Variants in MYCT1 observed in about 807,000 individuals in gnomAD.
The protein encoded by MYCT1 is myc target protein 1.
Under a neutral mutation model 15.0 loss-of-function variants are expected in MYCT1, and 12 were observed. That is an observed-to-expected ratio of 0.80 (90% CI 0.51 to 1.29). The LOEUF is 1.29. Ranked by LOEUF, MYCT1 falls within the 50% of genes most tolerant of loss-of-function variation. The pLI is 0.00. For missense variants in MYCT1, 287 were observed against 279.1 expected, an observed-to-expected ratio of 1.03 and a Z score of -0.20; for synonymous variants, 104 against 102.7, an observed-to-expected ratio of 1.01 and a Z score of -0.07.
chr6:152,735,191 C>T, the MYCT1 span, among the ~76,000 whole-genome samples: 2 of 152,038 alleles, frequency 1.3e-5, no homozygotes, highest in African/African-American at 4.8e-5. Flanking sequence ...AGAGGAGGCT[C>T]AAATGCTAAA....
chr6:152,733,346 G>A, the MYCT1 span, among the ~76,000 whole-genome samples: 1 of 151,826 alleles, frequency 6.6e-6, no homozygotes, highest in African/African-American at 2.4e-5. Flanking sequence ...CAAGCAATCT[G>A]CCTGCCTTGG....
At chr6:152,732,424 G>A in the MYCT1 span, among the ~76,000 whole-genome samples, 2 of 147,856 alleles carry the variant, frequency 1.4e-5, no homozygotes, top group Admixed American at 6.9e-5. Context: ...ATTAATTAAT[G>A]TTTGGGAGAA....
At chr6:152,739,099 C>G in the MYCT1 span, among the ~76,000 whole-genome samples, 3 of 151,784 alleles carry the variant, frequency 2.0e-5, no homozygotes, top group Middle Eastern at 3.4e-3. Flanking sequence ...ACAAAGGATA[C>G]TTTTAAAAAA....
the MYCT1 span, among the ~76,000 whole-genome samples, chr6:152,737,837 G>A: frequency 6.6e-6 from 1 of 152,080 alleles, no homozygotes; most frequent in African/African-American, 2.4e-5. Context: ...TTTAGTCAAT[G>A]ACTGTTGAAG....
chr6:152,725,687 C>G (rs1048746060), downstream of MYCT1, among the ~76,000 whole-genome samples: 2 of 152,176 alleles, frequency 1.3e-5, no homozygotes, highest in African/African-American at 4.8e-5. Flanking sequence ...GGTAAACTGG[C>G]ATTGCCCTTT....
the MYCT1 span, among the ~76,000 whole-genome samples, chr6:152,735,519 G>A: frequency 3.9e-5 from 6 of 151,972 alleles, no homozygotes; most frequent in Middle Eastern, 3.2e-3. Flanking sequence ...TAAACATTTA[G>A]CTATATCCAT....
chr6:152,736,087 C>T, the MYCT1 span, among the ~76,000 whole-genome samples: 56 of 152,106 alleles, frequency 3.7e-4, no homozygotes, highest in Middle Eastern at 0.01. Context: ...AGTCTTACAT[C>T]GTTAAAACCA....
intron 1 of MYCT1, among the ~76,000 whole-genome samples, chr6:152,699,024 A>G (rs555787863): frequency 6.6e-6 from 1 of 152,338 alleles, no homozygotes; most frequent in South Asian, 2.1e-4. Context: ...CACTTTAATG[A>G]AGAAAATAGT....
chr6:152,722,700 G>C lies in MYCT1; in HGVS notation c.*447G>C, dbSNP rs2099724930. On this transcript the variant is annotated 3_prime_UTR_variant, in exon 2 of 2. Coordinates refer to ENST00000367245, the MANE Select transcript of MYCT1 (RefSeq NM_025107.3). ...ATTTGGATTTTACTTTCTTTAGAAT[G>C]ACAAGTGAATCATATTGACATTTTA... The C allele has an allele frequency of 3.0e-6, 1 of 329,514 alleles. No individual in the cohort carries two copies. Among genetic ancestry groups the C allele is most frequent in the African/African-American group, 2.2e-5 (1 of 45,642 alleles). 20.4% of individuals were successfully genotyped at this position (329,514 alleles called of 1,614,324 possible). A position where few individuals can be genotyped will look rare whatever the true frequency, so the allele number is the denominator to read the frequency against.
At chr6:152,721,421 A>C (rs1341045474) in intron 1 of MYCT1, among the ~76,000 whole-genome samples, 1 of 152,184 alleles carries the variant, frequency 6.6e-6, no homozygotes, top group African/African-American at 2.4e-5. Flanking sequence ...CTCTGTAAAA[A>C]ATGGATGAAC....
At chr6:152,729,443 C>T (rs1281890392), downstream of MYCT1, among the ~76,000 whole-genome samples, 1 of 152,116 alleles carries the variant, frequency 6.6e-6, no homozygotes, top group Admixed American at 6.5e-5. Flanking sequence ...ACACCTAAGT[C>T]TGTATACATA....
At chr6:152,725,636 T>C (rs996390420), downstream of MYCT1, among the ~76,000 whole-genome samples, 1 of 152,228 alleles carries the variant, frequency 6.6e-6, no homozygotes, top group African/African-American at 2.4e-5. Flanking sequence ...TGCTGGCAAA[T>C]GTACTAAGAA....
chr6:152,705,538 G>C (rs1485969621), intron 1 of MYCT1, among the ~76,000 whole-genome samples: 1 of 151,654 alleles, frequency 6.6e-6, no homozygotes, highest in African/African-American at 2.4e-5. Context: ...GAAAATGACA[G>C]GATTTTTTTT....
downstream of MYCT1, among the ~76,000 whole-genome samples, chr6:152,729,019 C>T (rs2129071735): frequency 6.6e-6 from 1 of 152,216 alleles, no homozygotes; most frequent in East Asian, 1.9e-4. Context: ...ATGTGCTTTC[C>T]AGCTTAGGGA....
intron 1 of MYCT1, among the ~76,000 whole-genome samples, chr6:152,707,977 T>C (rs989903854): frequency 1.3e-5 from 2 of 152,058 alleles, no homozygotes; most frequent in Admixed American, 1.3e-4. Context: ...ATTGTCATCA[T>C]ATACAACTTA....
chr6:152,703,313 C>G (rs1043393213), intron 1 of MYCT1, among the ~76,000 whole-genome samples: 3 of 152,048 alleles, frequency 2.0e-5, no homozygotes, highest in Non-Finnish European at 2.9e-5. Flanking sequence ...GGAATTTGAC[C>G]ATTTGAATTA....
chr6:152,704,013 T>C (rs2099721815), intron 1 of MYCT1, among the ~76,000 whole-genome samples: 3 of 145,860 alleles, frequency 2.1e-5, no homozygotes, highest in African/African-American at 7.7e-5. Flanking sequence ...TTATTTTATT[T>C]TTGAGACAGG....
chr6:152,736,989 T>TA, the MYCT1 span, among the ~76,000 whole-genome samples: 10 of 152,126 alleles, frequency 6.6e-5, no homozygotes, highest in African/African-American at 2.2e-4. Context: ...CAAATGAAAT[T>TA]ACAAAACTTT....
the MYCT1 span, among the ~76,000 whole-genome samples, chr6:152,739,340 T>C: frequency 6.6e-6 from 1 of 151,786 alleles, no homozygotes; most frequent in Non-Finnish European, 1.5e-5. Context: ...CTAAATATTT[T>C]TGTATTTTTT....
Sources: allele counts gnomAD v4.1 joint callset (sites outside exome capture counted in the v4.1 genomes callset), GRCh38; gene constraint gnomAD v4.1.1; transcripts MANE v1.5; gene names NCBI Gene and HGNC (gene_info 2026-07-23, HGNC 2026-07-21).